Variants in EPHA6 observed in about 807,000 individuals in gnomAD.
EPHA6 encodes ephrin type-A receptor 6.
In EPHA6, 50 loss-of-function variants were observed where a neutral mutation model predicts 112.0. The ratio of observed to expected loss-of-function variants is 0.45; its 90% CI spans 0.36 to 0.56. EPHA6 has a LOEUF of 0.56. EPHA6 is among the 20% of genes least tolerant of loss of function. The pLI is 0.00. For synonymous variants in EPHA6, 529 were observed against 490.7 expected, an observed-to-expected ratio of 1.08 and a Z score of -1.03; for missense variants, 1,280 against 1,417.4, an observed-to-expected ratio of 0.90 and a Z score of 1.56.
chr3:97,064,453 G>T (rs2046117963), intron 3 of EPHA6, among the ~76,000 whole-genome samples: 2 of 152,154 alleles, frequency 1.3e-5, no homozygotes, highest in Non-Finnish European at 2.9e-5. Context: ...ACATATTAAT[G>T]CACAGTGTTT....
intron 3 of EPHA6, among the ~76,000 whole-genome samples, chr3:97,193,340 G>A (rs1285929866): frequency 2.0e-5 from 3 of 151,932 alleles, no homozygotes; most frequent in African/African-American, 7.2e-5. Context: ...AATTTTAATT[G>A]TAGAGATTTT....
chr3:97,373,895 C>T (rs1027885991), intron 5 of EPHA6, among the ~76,000 whole-genome samples: 2 of 151,958 alleles, frequency 1.3e-5, no homozygotes, highest in Non-Finnish European at 2.9e-5. Flanking sequence ...TTATATGAAG[C>T]CCTTGCTGGA....
At chr3:97,270,159 T>G (rs1201176522) in intron 5 of EPHA6, among the ~76,000 whole-genome samples, 3 of 152,168 alleles carry the variant, frequency 2.0e-5, no homozygotes, top group African/African-American at 7.2e-5. Flanking sequence ...ATGTCAATAT[T>G]TAGATTGAAT....
chr3:96,884,953 A>T (rs996074503), intron 2 of EPHA6, among the ~76,000 whole-genome samples: 2 of 152,202 alleles, frequency 1.3e-5, no homozygotes, highest in African/African-American at 4.8e-5. Flanking sequence ...GATTTTATCT[A>T]ATGCTTGGTC....
chr3:96,921,581 CTT>C (rs779978249), intron 2 of EPHA6, among the ~76,000 whole-genome samples: 1 of 141,772 alleles, frequency 7.1e-6, no homozygotes, highest in Non-Finnish European at 1.5e-5. Context: ...AAATACACAA[CTT>C]TTTTTTTTTT....
At chr3:96,836,373 GA>G (rs1314520546) in intron 1 of EPHA6, among the ~76,000 whole-genome samples, 1 of 152,092 alleles carries the variant, frequency 6.6e-6, no homozygotes, top group East Asian at 1.9e-4. Flanking sequence ...GCCTTGGGCA[GA>G]TATTTTAATC....
chr3:97,598,091 A>G (rs930278209), intron 12 of EPHA6, among the ~76,000 whole-genome samples: 1 of 152,020 alleles, frequency 6.6e-6, no homozygotes, highest in Non-Finnish European at 1.5e-5. Flanking sequence ...TTATTTCTTC[A>G]TATTTTCAGA....
chr3:96,920,047 T>G (rs375411420), intron 2 of EPHA6, among the ~76,000 whole-genome samples: 16 of 151,924 alleles, frequency 1.1e-4, no homozygotes, highest in East Asian at 9.6e-4. Flanking sequence ...TCTTAAAGAC[T>G]ACTGAAAATA....
chr3:96,890,311 C>G (rs547100652), intron 2 of EPHA6, among the ~76,000 whole-genome samples: 141 of 152,128 alleles, frequency 9.3e-4, no homozygotes, highest in African/African-American at 3.2e-3. Context: ...CACAAACCAA[C>G]AAGAAGACAG....
chr3:97,414,654 T>C (rs991140390), intron 6 of EPHA6, among the ~76,000 whole-genome samples: 1 of 152,102 alleles, frequency 6.6e-6, no homozygotes, highest in African/African-American at 2.4e-5. Context: ...TAAGTCTGTA[T>C]TCTGCTTCAA....
At chr3:97,556,949 T>G (rs1350487174) in intron 11 of EPHA6, among the ~76,000 whole-genome samples, 2 of 152,088 alleles carry the variant, frequency 1.3e-5, no homozygotes, top group Non-Finnish European at 2.9e-5. Flanking sequence ...TTTTCCAGAT[T>G]AGTATAGTAC....
intron 3 of EPHA6, among the ~76,000 whole-genome samples, chr3:97,206,830 A>T (rs2077724516): frequency 6.6e-6 from 1 of 152,110 alleles, no homozygotes; most frequent in Non-Finnish European, 1.5e-5. Flanking sequence ...AAGTTATTCC[A>T]CTTCAGAATA....
intron 5 of EPHA6, among the ~76,000 whole-genome samples, chr3:97,379,167 C>T (rs189646303): frequency 6.6e-6 from 1 of 152,262 alleles, no homozygotes; most frequent in African/African-American, 2.4e-5. Context: ...CTCACACTAT[C>T]TGATGGTTTT....
chr3:97,545,947 G>A (rs1356013646), intron 11 of EPHA6, among the ~76,000 whole-genome samples: 1 of 151,994 alleles, frequency 6.6e-6, no homozygotes, highest in East Asian at 1.9e-4. Context: ...TTTATTTTGA[G>A]CCTATGTGTG....
At chr3:97,298,589 G>A (rs1216629966) in intron 5 of EPHA6, among the ~76,000 whole-genome samples, 1 of 152,002 alleles carries the variant, frequency 6.6e-6, no homozygotes, top group Non-Finnish European at 1.5e-5. Flanking sequence ...TGTCTATAAT[G>A]TGATAGGAAT....
intron 17 of EPHA6, 33 bp downstream of exon 17, chr3:97,747,605 A>G: frequency 6.5e-7 from 1 of 1,546,302 alleles, no homozygotes; most frequent in Non-Finnish European, 8.7e-7. Flanking sequence ...CTGTAACGAG[A>G]TGTCCTGCTG....
At chr3:97,184,932 T>C (rs940655739) in intron 3 of EPHA6, among the ~76,000 whole-genome samples, 4 of 152,182 alleles carry the variant, frequency 2.6e-5, no homozygotes, top group African/African-American at 9.7e-5. Flanking sequence ...CCATCTGATC[T>C]TTGACAAACC....
intron 13 of EPHA6, among the ~76,000 whole-genome samples, chr3:97,635,833 CA>C (rs2093940207): frequency 6.6e-6 from 1 of 151,992 alleles, no homozygotes; most frequent in Non-Finnish European, 1.5e-5. Flanking sequence ...TATTAAAAAA[CA>C]AATTGGTGCT....
chr3:97,508,352 G>T (rs979309996), intron 10 of EPHA6, among the ~76,000 whole-genome samples: 1 of 151,970 alleles, frequency 6.6e-6, no homozygotes, highest in Non-Finnish European at 1.5e-5. Flanking sequence ...TAGAGATTCT[G>T]GTACATTGTG....
Sources: allele counts gnomAD v4.1 joint callset (sites outside exome capture counted in the v4.1 genomes callset), GRCh38; gene constraint gnomAD v4.1.1; transcripts MANE v1.5; gene names NCBI Gene and HGNC (gene_info 2026-07-23, HGNC 2026-07-21).